Variants in EPHA3 observed in about 807,000 individuals in gnomAD.
The protein encoded by EPHA3 is EPH receptor A3.
Under a neutral mutation model 107.1 loss-of-function variants are expected in EPHA3, and 42 were observed. The observed-to-expected ratio is 0.39, with a 90% CI of 0.31 to 0.51. The LOEUF (loss-of-function observed/expected upper bound fraction) is 0.51, where lower values mean the gene tolerates loss of function less well. Among genes scored for constraint, EPHA3 ranks in the 20% least tolerant of loss-of-function variants. The pLI is 0.78. For synonymous variants in EPHA3, 461 were observed against 424.8 expected, an observed-to-expected ratio of 1.09 and a Z score of -1.05; for missense variants, 1,183 against 1,211.2, an observed-to-expected ratio of 0.98 and a Z score of 0.35.
intron 8 of EPHA3, 105 bp downstream of exon 8, chr3:89,407,476 A>G: frequency 1.2e-6 from 1 of 866,462 alleles, no homozygotes; most frequent in Non-Finnish European, 1.8e-6. Flanking sequence ...TATTTTAACA[A>G]ATAAGAATGT....
In EPHA3 at chr3:89,131,194, T is replaced by A. The variant is rs141871640; in HGVS notation, c.153+3921T>A. ...TATTTGACACTCATATAATCTGGCA[T>A]TATATTTGGTGACTTTAGCAAAGCA... On this transcript the variant is annotated intron_variant, in intron 2 of 16. Transcript: ENST00000336596. 1.2e-4 allele frequency among the ~76,000 whole-genome samples: 19 copies of A among 152,252 alleles called. No individual in the cohort carries two copies. The East Asian group carries it at 3.7e-3, about 29-fold the overall frequency.
intron 2 of EPHA3, among the ~76,000 whole-genome samples, chr3:89,163,525 A>T (rs1704994663): frequency 6.6e-6 from 1 of 152,200 alleles, no homozygotes; most frequent in South Asian, 2.1e-4. Flanking sequence ...CCTCATATTC[A>T]TATGATATAA....
chr3:89,372,756 G>C (rs1419972211), intron 5 of EPHA3, among the ~76,000 whole-genome samples: 1 of 151,692 alleles, frequency 6.6e-6, no homozygotes, highest in Non-Finnish European at 1.5e-5. Context: ...CATTATTCTT[G>C]ATGAATGAGA....
intron 15 of EPHA3, among the ~76,000 whole-genome samples, chr3:89,472,099 C>T (rs1710413875): frequency 6.6e-6 from 1 of 152,144 alleles, no homozygotes; most frequent in African/African-American, 2.4e-5. Context: ...TCAAAGCAGA[C>T]AGCAAAGAAT....
chr3:89,371,617 C>T (rs1466983570), intron 5 of EPHA3, among the ~76,000 whole-genome samples: 5 of 151,438 alleles, frequency 3.3e-5, no homozygotes, highest in African/African-American at 7.3e-5. Flanking sequence ...ACAACTGTAC[C>T]GTGTGGCACA....
intron 5 of EPHA3, among the ~76,000 whole-genome samples, chr3:89,364,180 T>C (rs762699566): frequency 2.7e-5 from 4 of 150,916 alleles, no homozygotes; most frequent in Non-Finnish European, 5.9e-5. Context: ...GAGTCATCCC[T>C]ATTTTCAGGA....
chr3:89,449,185 T>A (rs1450045971), intron 13 of EPHA3, 40 bp from the exon 14 acceptor site: 1 of 1,563,570 alleles, frequency 6.4e-7, no homozygotes, highest in South Asian at 1.2e-5. Context: ...ATATGTTCTA[T>A]GCATTGCTGA....
At chr3:89,376,711 G>T (rs998608345) in intron 5 of EPHA3, among the ~76,000 whole-genome samples, 3 of 152,064 alleles carry the variant, frequency 2.0e-5, no homozygotes, top group East Asian at 3.9e-4. Flanking sequence ...ACTAAAGAAA[G>T]GTTGATACTA....
intron 2 of EPHA3, among the ~76,000 whole-genome samples, chr3:89,169,308 A>G (rs866820259): frequency 3.3e-5 from 5 of 152,256 alleles, no homozygotes; most frequent in Middle Eastern, 6.8e-3. Context: ...TTTTTTATAG[A>G]TATTGTACAT....
chr3:89,285,185 C>T (rs1706050855), intron 3 of EPHA3, among the ~76,000 whole-genome samples: 1 of 152,028 alleles, frequency 6.6e-6, no homozygotes, highest in Non-Finnish European at 1.5e-5. Flanking sequence ...TGTTTAATGG[C>T]TGACAGTTTT....
intron 3 of EPHA3, among the ~76,000 whole-genome samples, chr3:89,303,102 C>T (rs1706530144): frequency 6.6e-6 from 1 of 151,964 alleles, no homozygotes; most frequent in African/African-American, 2.4e-5. Flanking sequence ...CACCATGTTG[C>T]CCATGTTGGT....
chr3:89,316,165 A>G (rs1706895056), intron 3 of EPHA3, among the ~76,000 whole-genome samples: 1 of 151,770 alleles, frequency 6.6e-6, no homozygotes, highest in Admixed American at 6.6e-5. Flanking sequence ...CTGGCACGAA[A>G]GTAGGCACAG....
intron 6 of EPHA3, among the ~76,000 whole-genome samples, chr3:89,396,287 T>C (rs2107504645): frequency 6.6e-6 from 1 of 152,362 alleles, no homozygotes; most frequent in East Asian, 1.9e-4. Context: ...TTAGTCTATT[T>C]GTGAACTGTT....
At chr3:89,112,702 A>G (rs1460709440) in intron 1 of EPHA3, among the ~76,000 whole-genome samples, 1 of 151,962 alleles carries the variant, frequency 6.6e-6, no homozygotes, top group Non-Finnish European at 1.5e-5. Flanking sequence ...CTTCAGGAAA[A>G]TATTAATAAA....
chr3:89,400,202 T>C, intron 7 of EPHA3: 1 of 499,334 alleles, frequency 2.0e-6, no homozygotes, highest in Non-Finnish European at 2.6e-6. Context: ...CTTTTTTTTT[T>C]TTTTTTTTTG....
intron 15 of EPHA3, among the ~76,000 whole-genome samples, chr3:89,458,073 T>C (rs950221916): frequency 6.6e-6 from 1 of 151,844 alleles, no homozygotes; most frequent in African/African-American, 2.4e-5. Context: ...AAGAAACTAA[T>C]TTAAATGTTT....
chr3:89,178,870 C>T (rs1488468812), intron 2 of EPHA3, among the ~76,000 whole-genome samples: 1 of 151,650 alleles, frequency 6.6e-6, no homozygotes, highest in African/African-American at 2.4e-5. Flanking sequence ...ATAACCTTTT[C>T]TATGTGTTTA....
chr3:89,271,659 G>A (rs1238783823), intron 3 of EPHA3, among the ~76,000 whole-genome samples: 1 of 151,720 alleles, frequency 6.6e-6, no homozygotes, highest in Non-Finnish European at 1.5e-5. Flanking sequence ...GTAATATGTT[G>A]AAATAGAAGA....
chr3:89,405,021 C>T (rs1187915418), intron 7 of EPHA3, among the ~76,000 whole-genome samples: 1 of 152,064 alleles, frequency 6.6e-6, no homozygotes, highest in Non-Finnish European at 1.5e-5. Flanking sequence ...GCCAGATGCT[C>T]TGGGAGGAAG....
Sources: allele counts gnomAD v4.1 joint callset (sites outside exome capture counted in the v4.1 genomes callset), GRCh38; gene constraint gnomAD v4.1.1; transcripts MANE v1.5; gene names NCBI Gene and HGNC (gene_info 2026-07-23, HGNC 2026-07-21).